Variants in ASCC1 observed in about 807,000 individuals in gnomAD.
ASCC1 encodes the protein ASC-1 complex subunit P50.
In ASCC1, 35 loss-of-function variants were observed where a neutral mutation model predicts 46.6. That is an observed-to-expected ratio of 0.75 (90% CI 0.57 to 0.99). The LOEUF (loss-of-function observed/expected upper bound fraction) is 0.99. Among genes scored for constraint, ASCC1 ranks in the 50% least tolerant of loss-of-function variants. The pLI, the probability that ASCC1 is intolerant of heterozygous loss-of-function variation, is 0.00. For missense variants in ASCC1, 376 were observed against 428.7 expected, an observed-to-expected ratio of 0.88 and a Z score of 1.09; for synonymous variants, 143 against 146.6, an observed-to-expected ratio of 0.98 and a Z score of 0.18.
At chr10:72,145,924 T>G (rs925369461) in intron 7 of ASCC1, among the ~76,000 whole-genome samples, 7 of 152,186 alleles carry the variant, frequency 4.6e-5, no homozygotes, top group Non-Finnish European at 7.4e-5. Flanking sequence ...TAACAGCACT[T>G]CTAGATCTAA....
At chr10:72,097,756 T>C (rs920262223) in intron 9 of ASCC1, among the ~76,000 whole-genome samples, 6 of 152,236 alleles carry the variant, frequency 3.9e-5, no homozygotes, top group Admixed American at 6.5e-5. Flanking sequence ...CAAGAACTTA[T>C]AGCAAACGCC....
At chr10:72,189,216 C>T (rs1348023060) in intron 5 of ASCC1, among the ~76,000 whole-genome samples, 4 of 150,282 alleles carry the variant, frequency 2.7e-5, no homozygotes, top group African/African-American at 9.8e-5. Flanking sequence ...CTGGCTAACA[C>T]GGTGAAACCC....
chr10:72,150,231 C>T (rs369389648), intron 7 of ASCC1, among the ~76,000 whole-genome samples: 102 of 151,798 alleles, frequency 6.7e-4, no homozygotes, highest in African/African-American at 2.2e-3. Context: ...ACCAAAATAG[C>T]TCCTATGCCA....
intron 7 of ASCC1, 74 bp from the exon 8 acceptor site, chr10:72,133,255 T>C: frequency 6.7e-7 from 1 of 1,490,564 alleles, no homozygotes; most frequent in Non-Finnish European, 9.3e-7. Context: ...TTCAACAATG[T>C]TTATGGAGCA....
At chr10:72,172,422 A>G (rs2132863526) in intron 5 of ASCC1, among the ~76,000 whole-genome samples, 2 of 149,168 alleles carry the variant, frequency 1.3e-5, no homozygotes, top group South Asian at 4.2e-4. Context: ...CTCAAAAAAA[A>G]AAAAAAAAAA....
At chr10:72,190,332 A>G in intron 5 of ASCC1, 1 of 1,026,374 alleles carries the variant, frequency 9.7e-7, no homozygotes, top group Admixed American at 1.7e-5. Flanking sequence ...ATTGGTGAAG[A>G]TTCCACATAC....
At chr10:72,190,493 C>T in intron 5 of ASCC1, 8 of 1,595,300 alleles carry the variant, frequency 5.0e-6, no homozygotes, top group African/African-American at 1.3e-5. Context: ...TGGAAAGGGC[C>T]ATAAGTTCCA....
At chr10:72,158,398 A>C (rs2132644737) in intron 6 of ASCC1, among the ~76,000 whole-genome samples, 1 of 152,322 alleles carries the variant, frequency 6.6e-6, no homozygotes, top group Non-Finnish European at 1.5e-5. Context: ...CTGTGACTGA[A>C]GAAGAGCTGC....
intron 5 of ASCC1, among the ~76,000 whole-genome samples, chr10:72,178,071 G>A (rs1852079303): frequency 1.3e-5 from 2 of 152,186 alleles, no homozygotes; most frequent in African/African-American, 2.4e-5. Flanking sequence ...GGACAAGTCT[G>A]CTACCAAACA....
rs554077745 is a variant in ASCC1 at position 72,113,764 on chromosome 10, T to C, written c.957+14318A>G. Among the ~76,000 whole-genome samples the C allele has an allele frequency of 3.9e-5, 6 of 152,340 alleles. No homozygotes were observed. In the East Asian group the frequency reaches 5.8e-4, roughly 15 times the overall value. ...GAAGTCTTTCAGATCCTTTAAAACA[T>C]AGTATATTGCTTTTCTATTGCTGTC... is the stretch of plus-strand genomic sequence containing the variant. On this transcript the variant is annotated intron_variant, in intron 9 of 9. Transcript: ENST00000672957.
intron 5 of ASCC1, among the ~76,000 whole-genome samples, chr10:72,171,181 G>A (rs1396058706): frequency 6.6e-6 from 1 of 152,036 alleles, no homozygotes; most frequent in Non-Finnish European, 1.5e-5. Flanking sequence ...TTCTCTATTG[G>A]TGCTATAACA....
chr10:72,109,691 T>A (rs1842717107), intron 9 of ASCC1, among the ~76,000 whole-genome samples: 1 of 152,168 alleles, frequency 6.6e-6, no homozygotes, highest in African/African-American at 2.4e-5. Flanking sequence ...AACCGCTATA[T>A]ACAAACAGGA....
At chr10:72,165,802 C>T (rs80184870) in intron 5 of ASCC1, among the ~76,000 whole-genome samples, 5,200 of 152,202 alleles carry the variant, frequency 0.034, 309 homozygotes, top group African/African-American at 0.12. Flanking sequence ...CTTCTCTAAC[C>T]CATGGCCTGC....
At position 72,097,459 on chromosome 10, in the gene ASCC1, G is replaced by A; in HGVS notation, c.958-9C>T. 1.3e-6 allele frequency: 2 copies of A among 1,533,240 alleles called. No individual in the cohort carries two copies. Among genetic ancestry groups the A allele is most frequent in the East Asian group, 4.5e-5 (2 of 44,450 alleles). The allele number at this position is 1,533,240 out of a possible 1,614,324, so 95.0% of individuals were successfully genotyped here. A position where few individuals can be genotyped will look rare whatever the true frequency, so the allele number is the denominator to read the frequency against. On this transcript the variant is annotated splice_polypyrimidine_tract_variant and intron_variant, in intron 9 of 9. Transcript: ENST00000672957. ...TAGAAGTTCTCAAACAACTGAAAAG[G>A]AAGAATAAAAACCCAGAATGAATAT...
chr10:72,135,257 T>C (rs1004740444), intron 7 of ASCC1, among the ~76,000 whole-genome samples: 9 of 152,078 alleles, frequency 5.9e-5, no homozygotes, highest in African/African-American at 1.9e-4. Flanking sequence ...GCAGCTCACA[T>C]TCAGGTAGGA....
intron 7 of ASCC1, among the ~76,000 whole-genome samples, chr10:72,135,455 A>G (rs926419879): frequency 6.6e-6 from 1 of 152,244 alleles, no homozygotes; most frequent in Non-Finnish European, 1.5e-5. Flanking sequence ...GAGAGGAAAC[A>G]GCAAATACGC....
chr10:72,113,146 T>C (rs1843115045), intron 9 of ASCC1, among the ~76,000 whole-genome samples: 2 of 152,346 alleles, frequency 1.3e-5, no homozygotes, highest in East Asian at 3.9e-4. Context: ...ATTTAGTAGG[T>C]ATTCAATAAA....
rs138339775 is a variant in ASCC1 at position 72,149,913 on chromosome 10, C to T, written c.746+2956G>A. On this transcript the variant is annotated intron_variant, in intron 7 of 9. Transcript: ENST00000672957. ...AAAAGAAAAATCTGGCAGCCAGGCA[C>T]GGTGGCTTACACCTGTAATCCCAGC... 8.8e-3 allele frequency among the ~76,000 whole-genome samples: 1,337 copies of T among 152,156 alleles called. 16 individuals are homozygous for T. Among genetic ancestry groups the T allele is most frequent in the African/African-American group, 0.031 (1,269 of 41,500 alleles).
At chr10:72,099,985 GT>G (rs1439022425) in intron 9 of ASCC1, among the ~76,000 whole-genome samples, 1 of 152,098 alleles carries the variant, frequency 6.6e-6, no homozygotes, top group African/African-American at 2.4e-5. Context: ...TTCTTATGAT[GT>G]TTTTAAATAT....
Sources: allele counts gnomAD v4.1 joint callset (sites outside exome capture counted in the v4.1 genomes callset), GRCh38; gene constraint gnomAD v4.1.1; transcripts MANE v1.5; gene names NCBI Gene and HGNC (gene_info 2026-07-23, HGNC 2026-07-21).